Variants in ZNF774 observed in about 807,000 individuals in gnomAD.
ZNF774 encodes the protein zinc finger protein 774.
ZNF774 carries 14 observed loss-of-function variants against 11.1 expected under a neutral mutation model. The observed-to-expected ratio is 1.26, with a 90% confidence interval of 0.83 to 1.97. The LOEUF (loss-of-function observed/expected upper bound fraction) is 1.97. ZNF774 is among the 30% of genes most tolerant of loss of function. The pLI, the probability that ZNF774 is intolerant of heterozygous loss-of-function variation, is 0.00. For synonymous variants in ZNF774, 195 were observed against 212.6 expected, an observed-to-expected ratio of 0.92 and a Z score of 0.72; for missense variants, 599 against 587.0, an observed-to-expected ratio of 1.02 and a Z score of -0.21.
Position 90,360,651 on chromosome 15 carries a change from C to T in ZNF774, c.820C>T (p.Arg274Ter), listed in dbSNP as rs1259590139. The stretch of plus-strand genomic sequence containing the variant: ...CCTGGAATGTCACAAAAGCTTCAGT[C>T]GAAGCTCAAATTTCATCACTCACCA... Reference protein sequence around the residue: ...ACLECHKSFSRSSNFITHQRT... With the variant: ...ACLECHKSFS The change falls in exon 4 of 4, where the codon CGA becomes TGA. Residue 274 changes from arginine (R) to a stop codon, truncating the protein, a stop_gained. Transcript: ENST00000354377. LOFTEE classifies it low-confidence loss of function (END_TRUNC). 6.2e-7 allele frequency: 1 copy of T among 1,614,084 alleles called. No individual in the cohort carries two copies. The highest frequency in any genetic ancestry group is 1.1e-5 in the South Asian group (1 of 91,050).
chr15:90,361,306 T>G lies in ZNF774; in HGVS notation c.*23T>G, dbSNP rs1214166200. 4 of 1,561,790 alleles carry G rather than the reference T, an allele frequency of 2.6e-6. No individual in the cohort carries two copies. Among genetic ancestry groups the G allele is most frequent in the Non-Finnish European group, 3.5e-6 (4 of 1,155,122 alleles). ...TAGGAAGTAGTCTTTGGTGTTCAGC[T>G]GCTCCCTTGCACATTTTCATTGCTA... On this transcript the variant is annotated 3_prime_UTR_variant, in exon 4 of 4. Transcript: ENST00000354377.
intron 2 of ZNF774, among the ~76,000 whole-genome samples, chr15:90,355,767 A>G (rs1235347167): frequency 6.8e-6 from 1 of 146,456 alleles, no homozygotes; most frequent in Non-Finnish European, 1.5e-5. Flanking sequence ...GCGGTGGCTC[A>G]TGCCTGTAAT....
chr15:90,355,255 T>G (rs949687098), intron 2 of ZNF774: 5 of 455,374 alleles, frequency 1.1e-5, no homozygotes, highest in South Asian at 7.7e-5. Flanking sequence ...TACTTCCTTA[T>G]GCATTTTATG....
intron 3 of ZNF774, 104 bp downstream of exon 3, chr15:90,359,061 ATTT>A (rs758679594): frequency 0.019 from 7,290 of 390,338 alleles, no homozygotes; most frequent in East Asian, 0.035. Flanking sequence ...ACTAGCAGAC[ATTT>A]TTTTTTTTTT....
Position 90,360,410 on chromosome 15 carries a change from C to T in ZNF774, c.579C>T (p.Asp193=). ...GGAAAGGCTTCAAACAGAGCTCAGA[C>T]CTTGTCACCCATCGCAGAACACACA... The part of the protein sequence containing the change: ...ECGKGFKQSS[D]LVTHRRTHTG... Residue 193 remains aspartate, a synonymous_variant, in exon 4 of 4, where the codon GAC becomes GAT. Coordinates refer to ENST00000354377, the MANE Select transcript of ZNF774 (RefSeq NM_001004309.3). 1 of 1,613,534 alleles carries T rather than the reference C, an allele frequency of 6.2e-7. No individual in the cohort carries two copies. The highest frequency in any genetic ancestry group is 8.5e-7 in the Non-Finnish European group (1 of 1,179,942).
At chr15:90,356,851 G>A (rs1964255971) in intron 2 of ZNF774, among the ~76,000 whole-genome samples, 1 of 152,060 alleles carries the variant, frequency 6.6e-6, no homozygotes, top group South Asian at 2.1e-4. Flanking sequence ...GCAATTGCCT[G>A]AGCTACTTGG....
chr15:90,359,991 C>G, intron 3 of ZNF774, 52 bp from the exon 4 acceptor site: 2 of 1,523,650 alleles, frequency 1.3e-6, no homozygotes, highest in South Asian at 1.3e-5. Flanking sequence ...TTCTGATATT[C>G]CTTCCTGATA....
At position 90,360,149 on chromosome 15, in the gene ZNF774, T is replaced by G. The variant is rs766612240; in HGVS notation, c.318T>G (p.Ser106Arg). The stretch of plus-strand genomic sequence containing the variant: ...ATAAAGATCTTTCTCATACTCTTAG[T>G]TGGGGAGGAAACTGGGAGCAAGGCC... ...RTNKDLSHTL[S>R]WGGNWEQGLE... The change falls in exon 4 of 4, where the codon AGT (serine) becomes AGG (arginine). Residue 106 changes from serine to arginine, a missense_variant. By Grantham distance (110) the Ser-to-Arg change is moderately radical. Coordinates refer to ENST00000354377, the MANE Select transcript of ZNF774 (RefSeq NM_001004309.3). 1.2e-6 allele frequency: 2 copies of G among 1,614,058 alleles called. No homozygotes were observed. Among genetic ancestry groups the G allele is most frequent in the Non-Finnish European group, 8.5e-7 (1 of 1,180,014 alleles).
At chr15:90,354,807 T>A in intron 2 of ZNF774, 43 bp downstream of exon 2, 1 of 1,513,678 alleles carries the variant, frequency 6.6e-7, no homozygotes, top group Non-Finnish European at 9.1e-7. Flanking sequence ...TTATCTTGTT[T>A]TTTTTGAGAC....
intron 2 of ZNF774, chr15:90,355,251 C>G (rs991382483): frequency 4.4e-6 from 2 of 455,184 alleles, no homozygotes; most frequent in African/African-American, 2.0e-5. Flanking sequence ...CAATTACTTC[C>G]TTATGCATTT....
In ZNF774 at chr15:90,360,529, G is replaced by A. The variant is rs963138130; in HGVS notation, c.698G>A (p.Arg233Lys). The A allele has an allele frequency of 3.7e-6, 6 of 1,613,032 alleles. No homozygotes were observed. The African/African-American group carries it at 8.1e-5, about 22-fold the overall frequency. The change falls in exon 4 of 4, where the codon AGA (arginine) becomes AAA (lysine). Residue 233 changes from arginine (R) to lysine (K), a missense_variant. Arg to Lys is a conservative substitution (Grantham distance 26). Coordinates refer to ENST00000354377, the MANE Select transcript of ZNF774 (RefSeq NM_001004309.3). ...IKHQRTHTGE[R>K]PYECPECGKT... ...CATCAGAGAACCCACACAGGGGAGA[G>A]ACCCTATGAGTGCCCAGAGTGTGGA...
In ZNF774 at chr15:90,360,811, G is replaced by T. The variant is rs1964321924; in HGVS notation, c.980G>T (p.Gly327Val). ...TTCAAATGCCCGGAGTGCGGGAAGG[G>T]CTTCAGAGATAGTTCTCATTTTGTA... ...RPFKCPECGK[G>V]FRDSSHFVAH... Residue 327 changes from glycine (G) to valine (V), a missense_variant, in exon 4 of 4, where the codon GGC becomes GTC. Coordinates refer to ENST00000354377, the MANE Select transcript of ZNF774 (RefSeq NM_001004309.3). 1.2e-6 allele frequency: 2 copies of T among 1,614,144 alleles called. No individual in the cohort carries two copies. The highest frequency in any genetic ancestry group is 1.1e-5 in the South Asian group (1 of 91,082).
chr15:90,361,061 G>A lies in ZNF774; in HGVS notation c.1230G>A (p.Lys410=). ...CCTACAAATGTGGAGAGTGTGGGAA[G>A]AGCTTCAATCAGAGCTCCCACTTTA... ...ERPYKCGECG[K]SFNQSSHFIT... Residue 410 remains lysine, a synonymous_variant, in exon 4 of 4, where the codon AAG becomes AAA. Coordinates refer to ENST00000354377, the MANE Select transcript of ZNF774 (RefSeq NM_001004309.3). The A allele has an allele frequency of 5.6e-6, 9 of 1,614,176 alleles. No homozygotes were observed. The highest frequency in any genetic ancestry group is 7.6e-6 in the Non-Finnish European group (9 of 1,180,006).
chr15:90,359,335 G>A (rs1340311976), intron 3 of ZNF774, among the ~76,000 whole-genome samples: 8 of 151,402 alleles, frequency 5.3e-5, no homozygotes, highest in Admixed American at 2.6e-4. Context: ...GCCTCCCAAA[G>A]TGCTGGGATT....
At chr15:90,354,222 C>T (rs13329289) in intron 1 of ZNF774, among the ~76,000 whole-genome samples, 39,558 of 151,790 alleles carry the variant, frequency 0.26, 5,721 homozygotes, top group African/African-American at 0.4. Flanking sequence ...TTAGCTGCTC[C>T]CATAACTAAT....
intron 2 of ZNF774, chr15:90,355,372 T>C (rs1964229079): frequency 2.2e-6 from 1 of 455,956 alleles, no homozygotes; most frequent in Admixed American, 2.3e-5. Flanking sequence ...CTCTCACCTC[T>C]GCCACTTAAC....
Position 90,361,384 on chromosome 15 carries a change from G to A in ZNF774, c.*101G>A. 1 of 1,500,704 alleles carries A rather than the reference G, an allele frequency of 6.7e-7. No homozygotes were observed. Among genetic ancestry groups the A allele is most frequent in the Non-Finnish European group, 8.8e-7 (1 of 1,134,618 alleles). The allele number at this position is 1,500,704 out of a possible 1,614,324, so 93.0% of individuals were successfully genotyped here. ...AACCTGGGCGTCAGTGGCTCAATTT[G>A]GGCCCTGATCTATTCTCCCTCTTTC... On this transcript the variant is annotated 3_prime_UTR_variant, in exon 4 of 4. Coordinates refer to ENST00000354377, the MANE Select transcript of ZNF774 (RefSeq NM_001004309.3).
At chr15:90,354,112 C>T (rs189175925) in intron 1 of ZNF774, among the ~76,000 whole-genome samples, 4 of 151,772 alleles carry the variant, frequency 2.6e-5, no homozygotes, top group Non-Finnish European at 5.9e-5. Context: ...ATTTCTGACT[C>T]CATTAAGATC....
Position 90,361,368 on chromosome 15 carries a change from G to A in ZNF774, c.*85G>A, listed in dbSNP as rs990498668. On this transcript the variant is annotated 3_prime_UTR_variant, in exon 4 of 4. Coordinates refer to ENST00000354377, the MANE Select transcript of ZNF774 (RefSeq NM_001004309.3). ...CACCCCAAATAGAGAAAACCTGGGC[G>A]TCAGTGGCTCAATTTGGGCCCTGAT... 12 of 1,502,766 alleles carry A rather than the reference G, an allele frequency of 8.0e-6. No homozygotes were observed. Among genetic ancestry groups the A allele is most frequent in the Non-Finnish European group, 9.7e-6 (11 of 1,134,590 alleles). The allele number at this position is 1,502,766 out of a possible 1,614,324, so 93.1% of individuals were successfully genotyped here. A position where few individuals can be genotyped will look rare whatever the true frequency, so the allele number is the denominator to read the frequency against.
Sources: gnomAD v4.1 joint callset for allele counts (sites outside exome capture counted in the v4.1 genomes callset) on GRCh38, gnomAD v4.1.1 for gene constraint, MANE v1.5 for transcripts, NCBI Gene and HGNC (gene_info 2026-07-23, HGNC 2026-07-21) for gene names.